RASAL1: variants seen among roughly 807,000 people sequenced by gnomAD.
The protein encoded by RASAL1 is RAS protein activator like 1, also known as rasGAP-activating-like protein 1.
Under a neutral mutation model 96.6 loss-of-function variants are expected in RASAL1, and 72 were observed. That is an observed-to-expected ratio of 0.75 (90% confidence interval 0.62 to 0.91). The LOEUF (loss-of-function observed/expected upper bound fraction) is 0.91, where lower values mean the gene tolerates loss of function less well. Ranked by LOEUF, RASAL1 falls within the 40% of genes least tolerant of loss-of-function variation. RASAL1 has a pLI of 0.00. For missense variants in RASAL1, 1,016 were observed against 1,072.5 expected (o/e 0.95, Z 0.74); for synonymous variants, 405 against 430.4 (o/e 0.94, Z 0.73).
Position 113,103,941 on chromosome 12 carries a change from C to A in RASAL1, c.2104+5G>T. On this transcript the variant is annotated splice_donor_5th_base_variant and intron_variant, in intron 18 of 20. Transcript: ENST00000548055. ...CGGAGCCTGCAGTCCGCCCTGCCCC[C>A]TCACCTGAGCGCTCAGCCTGGAGGC... 6.4e-7 allele frequency: 1 copy of A among 1,552,760 alleles called. No individual in the cohort carries two copies. Among genetic ancestry groups the A allele is most frequent in the Non-Finnish European group, 8.7e-7 (1 of 1,151,828 alleles).
At chr12:113,110,062 G>A (rs1359466374) in intron 13 of RASAL1, among the ~76,000 whole-genome samples, 2 of 152,138 alleles carry the variant, frequency 1.3e-5, no homozygotes, top group African/African-American at 4.8e-5. Context: ...CTGGGGAGCT[G>A]GCCTCCTCCC....
intron 19 of RASAL1, 37 bp from the exon 20 acceptor site, chr12:113,100,717 T>C (rs1950414056): frequency 1.3e-6 from 2 of 1,570,198 alleles, no homozygotes; most frequent in African/African-American, 1.4e-5. Context: ...GTCTGGTCCC[T>C]GATTCCCATT....
At chr12:113,135,836 G>A (rs956538418), upstream of RASAL1, 5 of 184,086 alleles carry the variant, frequency 2.7e-5, no homozygotes, top group South Asian at 5.1e-4. This position sits in a 1 kb window ranked among gnomAD's most constrained non-coding sequence, Gnocchi z 5.7. Context: ...ACCTGACCCC[G>A]GGCCCCCTCG....
chr12:113,135,629 G>C lies in RASAL1; in HGVS notation c.-167C>G. 1.6e-6 allele frequency: 1 copy of C among 624,584 alleles called. No individual in the cohort carries two copies. The highest frequency in any genetic ancestry group is 1.9e-5 in the South Asian group (1 of 53,074). The allele number at this position is 624,584 out of a possible 1,614,324, so 38.7% of individuals were successfully genotyped here. On this transcript the variant is annotated 5_prime_UTR_variant, in exon 1 of 21. Transcript: ENST00000548055. This position sits in a 1 kb window ranked among gnomAD's most constrained non-coding sequence, Gnocchi z 5.7. Reference sequence around the variant, plus strand: ...ATGGGAGATTTCCGAAAGAGGAGAAGGTGTAGGTGCCCGGGGAGGGAGCGC... The same window carrying C: ...ATGGGAGATTTCCGAAAGAGGAGAACGTGTAGGTGCCCGGGGAGGGAGCGC...
Position 113,115,907 on chromosome 12 carries a change from A to T in RASAL1, c.849+27T>A. The T allele has an allele frequency of 6.3e-7, 1 of 1,583,988 alleles. No homozygotes were observed. Among genetic ancestry groups the T allele is most frequent in the Non-Finnish European group, 8.6e-7 (1 of 1,162,302 alleles). ...GATCCAGACCCCCGGCACCCGCCTG[A>T]TAGCATTGCTTGCCTGACGCACCCA... On this transcript the variant is annotated intron_variant, in intron 9 of 20. Transcript: ENST00000548055. This position sits in a 1 kb window ranked among gnomAD's most constrained non-coding sequence, Gnocchi z 4.1.
At position 113,121,550 on chromosome 12, in the gene RASAL1, A is replaced by G. The variant is rs754058340; in HGVS notation, c.387T>C (p.Asp129=). The G allele has an allele frequency of 8.7e-6, 14 of 1,614,018 alleles. No individual in the cohort carries two copies. The highest frequency in any genetic ancestry group is 7.7e-5 in the South Asian group (7 of 91,074). The change falls in exon 5 of 21, where the codon GAT becomes GAC. Residue 129 remains aspartate (D), a synonymous_variant. Coordinates refer to ENST00000548055, the MANE Select transcript of RASAL1 (RefSeq NM_001301202.2). ...GGCAGCGAAGGCAGCGGCCCTGCCC[A>G]TCCTCCAGCATCTGCACTGACAGGC... ...EICLSVQMLE[D]GQGRCLRCHV... is the part of the protein sequence containing the mutation.
At chr12:113,123,709 G>A (rs1592945058) in intron 4 of RASAL1, among the ~76,000 whole-genome samples, 1 of 152,044 alleles carries the variant, frequency 6.6e-6, no homozygotes, top group Admixed American at 6.6e-5. Context: ...TCAGTCTCTC[G>A]AATAGCAAGG....
chr12:113,118,244 T>A (rs1357486864), intron 7 of RASAL1, among the ~76,000 whole-genome samples: 1 of 150,708 alleles, frequency 6.6e-6, no homozygotes, highest in Non-Finnish European at 1.5e-5. Flanking sequence ...ATAAAAAAAA[T>A]AAACAAGAGT....
chr12:113,114,749 G>C (rs771861456), intron 12 of RASAL1, 51 bp downstream of exon 12: 1 of 1,502,962 alleles, frequency 6.7e-7, no homozygotes, highest in Admixed American at 1.7e-5. Context: ...ACAAGGCTCC[G>C]GGTAGCCAAA....
intron 16 of RASAL1, among the ~76,000 whole-genome samples, chr12:113,104,656 C>T (rs763838359): frequency 4.6e-5 from 7 of 152,136 alleles, no homozygotes; most frequent in Non-Finnish European, 7.4e-5. Flanking sequence ...CGTGCACCAC[C>T]GCTCCCGGCT....
At chr12:113,105,281 T>C (rs572194246) in intron 16 of RASAL1, among the ~76,000 whole-genome samples, 15 of 152,386 alleles carry the variant, frequency 9.8e-5, no homozygotes, top group Admixed American at 9.8e-4. Flanking sequence ...TAATAGGCAC[T>C]CAATAAATGT....
At chr12:113,124,239 A>AT (rs377263513) in intron 4 of RASAL1, among the ~76,000 whole-genome samples, 2,962 of 137,652 alleles carry the variant, frequency 0.022, 77 homozygotes, top group African/African-American at 0.062. Context: ...AAAAAAAAAA[A>AT]GTTACCACAA....
At chr12:113,100,810 A>G in intron 19 of RASAL1, 130 bp from the exon 20 acceptor site, 3 of 706,320 alleles carry the variant, frequency 4.2e-6, no homozygotes, top group South Asian at 3.1e-5. Context: ...CATCATCATC[A>G]TCTACACAGC....
At position 113,135,420 on chromosome 12, in the gene RASAL1, G is replaced by T; in HGVS notation, c.43C>A (p.Arg15Ser). 3 of 1,609,986 alleles carry T rather than the reference G, an allele frequency of 1.9e-6. No homozygotes were observed. The highest frequency in any genetic ancestry group is 2.5e-6 in the Non-Finnish European group (3 of 1,178,636). ...SSLNVRVVEG[R>S]ALPAKDVSGS... is the part of the protein sequence containing the mutation. The stretch of plus-strand genomic sequence containing the variant: ...CACACGTCCTTGGCAGGCAGCGCGC[G>T]GCCCTCCACCACGCGAACATTCAGG... The change falls in exon 1 of 21, where the codon CGC (arginine) becomes AGC (serine). Residue 15 changes from arginine (R) to serine (S), a missense_variant. Arg to Ser is a moderately radical substitution (Grantham distance 110). Coordinates refer to ENST00000548055, the MANE Select transcript of RASAL1 (RefSeq NM_001301202.2). The surrounding 1 kb of genome is among the most constrained non-coding windows in gnomAD (Gnocchi z 5.7).
chr12:113,104,354 A>T (rs1592886041), intron 16 of RASAL1, 56 bp from the exon 17 acceptor site: 1 of 1,494,764 alleles, frequency 6.7e-7, no homozygotes, highest in Admixed American at 2.0e-5. Flanking sequence ...CGGGGTGGGG[A>T]CACCTTCCGT....
At chr12:113,112,059 C>A (rs935906022) in intron 13 of RASAL1, 27 bp downstream of exon 13, 2 of 1,235,852 alleles carry the variant, frequency 1.6e-6, no homozygotes, top group Admixed American at 4.2e-5. Context: ...GGCCTGTCCC[C>A]AGCCTCAGCC....
At chr12:113,112,027 C>T (rs1950880132) in intron 13 of RASAL1, 59 bp downstream of exon 13, 6 of 1,223,688 alleles carry the variant, frequency 4.9e-6, no homozygotes, top group East Asian at 3.2e-5. Context: ...CTGACTCCTC[C>T]GAGTGACCCC....
chr12:113,119,395 A>T lies in RASAL1; in HGVS notation c.477T>A (p.Arg159=), dbSNP rs141467289. ...DISGTSDPFA[R]VFWGSQSLET... Reference sequence around the variant, plus strand: ...CCAAGCTCTGGCTGCCCCAAAACACACGTGCAAATGGGTCAGATGTGCCAG... The same window carrying T: ...CCAAGCTCTGGCTGCCCCAAAACACTCGTGCAAATGGGTCAGATGTGCCAG... The change falls in exon 6 of 21, where the codon CGT becomes CGA. Residue 159 remains arginine (R), a synonymous_variant. Transcript: ENST00000548055. 6 of 1,611,630 alleles carry T rather than the reference A, an allele frequency of 3.7e-6. No homozygotes were observed. In the African/African-American group the frequency reaches 8.0e-5, roughly 22 times the overall value.
At position 113,129,870 on chromosome 12, in the gene RASAL1, C is replaced by A. The variant is rs1181983429; in HGVS notation, c.122+1015G>T. Among the ~76,000 whole-genome samples, 1 of 152,230 alleles carries A rather than the reference C, an allele frequency of 6.6e-6. No homozygotes were observed. The highest frequency in any genetic ancestry group is 1.5e-5 in the Non-Finnish European group (1 of 68,036). ...TTCTGAACATTCCCCAGCTCCTGAG[C>A]TGAAAGGCTTCTTACAGCCCAGAGA... On this transcript the variant is annotated intron_variant, in intron 2 of 20. Coordinates refer to ENST00000548055, the MANE Select transcript of RASAL1 (RefSeq NM_001301202.2). The surrounding 1 kb of genome is among the most constrained non-coding windows in gnomAD (Gnocchi z 5.0).
Sources: allele counts gnomAD v4.1 joint callset (sites outside exome capture counted in the v4.1 genomes callset), GRCh38; gene constraint gnomAD v4.1.1; non-coding constraint Gnocchi (gnomAD v3.1); transcripts MANE v1.5; gene names NCBI Gene and HGNC (gene_info 2026-07-23, HGNC 2026-07-21).